Variants in CHRNB3 observed in about 807,000 individuals in gnomAD.
CHRNB3 encodes neuronal acetylcholine receptor subunit beta-3.
Under a neutral mutation model 40.6 loss-of-function variants are expected in CHRNB3, and 37 were observed. The observed-to-expected ratio is 0.91, with a 90% CI of 0.70 to 1.20. The LOEUF is 1.20. Ranked by LOEUF, CHRNB3 falls within the 50% of genes most tolerant of loss-of-function variation. The pLI is 0.00. For synonymous variants in CHRNB3, 207 were observed against 207.1 expected (o/e 1.00, Z 0.00); for missense variants, 505 against 551.2 (o/e 0.92, Z 0.84).
At chr8:42,719,589 A>G (rs1816183077) in intron 3 of CHRNB3, among the ~76,000 whole-genome samples, 1 of 152,224 alleles carries the variant, frequency 6.6e-6, no homozygotes, top group Middle Eastern at 3.4e-3. Context: ...TGAAACTGCA[A>G]TGAGCTATGA....
chr8:42,697,381 C>A lies in CHRNB3; in HGVS notation c.-166C>A, dbSNP rs1042148264. The A allele has an allele frequency of 6.8e-6, 4 of 590,726 alleles. No individual in the cohort carries two copies. The Admixed American group carries it at 8.4e-5, about 12-fold the overall frequency. 36.6% of individuals were successfully genotyped at this position (590,726 alleles called of 1,614,324 possible). On this transcript the variant is annotated 5_prime_UTR_variant, in exon 1 of 6. Coordinates refer to ENST00000289957, the MANE Select transcript of CHRNB3 (RefSeq NM_000749.5). ...AGTGCACTTTGAGAAGCGGCACACT[C>A]GGCGAGAGGGGTTGAGATTGTTTTA...
rs551030284 is a variant in CHRNB3, at chr8:42,733,829, C to T, written c.1242+1280C>T. ...CAGAATGGTCTCGAACTCCTGACCT[C>T]GGGTGATCCACTGCCTCAGCCTCCC... is the stretch of plus-strand genomic sequence containing the variant. On this transcript the variant is annotated intron_variant, in intron 5 of 5. Coordinates refer to ENST00000289957, the MANE Select transcript of CHRNB3 (RefSeq NM_000749.5). Among the ~76,000 whole-genome samples the T allele has an allele frequency of 4.0e-5, 6 of 151,368 alleles. No homozygotes were observed. In the South Asian group the frequency reaches 6.3e-4, roughly 16 times the overall value.
chr8:42,701,436 C>T lies in CHRNB3; in HGVS notation c.52+3838C>T, dbSNP rs556524155. ...GCATGCTCCTGTAGTCGCAGCTACT[C>T]GGGAGGCTGAGGCAGGACGATCACA... On this transcript the variant is annotated intron_variant, in intron 1 of 5. Coordinates refer to ENST00000289957, the MANE Select transcript of CHRNB3 (RefSeq NM_000749.5). Among the ~76,000 whole-genome samples, 14 of 150,252 alleles carry T rather than the reference C, an allele frequency of 9.3e-5. No homozygotes were observed. In the East Asian group the frequency reaches 1.0e-3, roughly 11 times the overall value.
At chr8:42,719,626 G>A (rs1219651436) in intron 3 of CHRNB3, among the ~76,000 whole-genome samples, 6 of 152,122 alleles carry the variant, frequency 3.9e-5, no homozygotes, top group Admixed American at 6.5e-5. Flanking sequence ...CAGCCTGGGC[G>A]ACAGAGTGAG....
In CHRNB3 at chr8:42,734,456, G is replaced by C. The variant is rs1307982254; in HGVS notation, c.1242+1907G>C. On this transcript the variant is annotated intron_variant, in intron 5 of 5. Transcript: ENST00000289957. ...TTTTTTTGAGATGGAGTCTCGCTCT[G>C]TCACCGAGGCTGTAGTGCAATAGCT... is the stretch of plus-strand genomic sequence containing the variant. 2.1e-5 allele frequency among the ~76,000 whole-genome samples: 3 copies of C among 140,058 alleles called. No individual in the cohort carries two copies. In the East Asian group the frequency reaches 6.3e-4, roughly 30 times the overall value. The allele number at this position is 140,058 out of a possible 152,430, so 91.9% of individuals were successfully genotyped here. A position where few individuals can be genotyped will look rare whatever the true frequency, so the allele number is the denominator to read the frequency against.
chr8:42,720,209 A>AGG (rs1233864254), intron 3 of CHRNB3, among the ~76,000 whole-genome samples: 2 of 126,996 alleles, frequency 1.6e-5, no homozygotes, highest in Admixed American at 2.1e-4. Context: ...TCCGCCTCCC[A>AGG]GGTTCAAGAG....
intron 3 of CHRNB3, among the ~76,000 whole-genome samples, chr8:42,727,925 ACCCTGTGTT>A (rs1166687127): frequency 6.6e-6 from 1 of 152,166 alleles, no homozygotes; most frequent in Non-Finnish European, 1.5e-5. Context: ...AATCTTCGTG[ACCCTGTGTT>A]AAGCAAAGAT....
intron 3 of CHRNB3, chr8:42,726,024 G>T: frequency 2.0e-6 from 2 of 996,424 alleles, no homozygotes; most frequent in Non-Finnish European, 3.2e-6. Flanking sequence ...AGTCGTCTGA[G>T]ACGTACCTTG....
chr8:42,703,290 G>T (rs1262066682), intron 1 of CHRNB3, among the ~76,000 whole-genome samples: 1 of 150,984 alleles, frequency 6.6e-6, no homozygotes, highest in African/African-American at 2.4e-5. Context: ...TGGGCATGTT[G>T]GTGCACGCCT....
Position 42,708,865 on chromosome 8 carries a change from T to C in CHRNB3, c.201T>C (p.Asp67=), listed in dbSNP as rs1381371732. Residue 67 remains aspartate (D), a synonymous_variant, in exon 2 of 6, where the codon GAT becomes GAC. Transcript: ENST00000289957. ...GATTGAAAATATCCCAGCTTGTAGA[T>C]GTGGTGAGTAATCCTTGGCACTTGG... ...YFGLKISQLV[D]VDEKNQLMTT... The C allele has an allele frequency of 4.3e-6, 7 of 1,612,428 alleles. No homozygotes were observed. The highest frequency in any genetic ancestry group is 2.2e-5 in the East Asian group (1 of 44,886).
At chr8:42,735,363 C>G (rs1169517436) in intron 5 of CHRNB3, among the ~76,000 whole-genome samples, 4 of 151,992 alleles carry the variant, frequency 2.6e-5, no homozygotes, top group Non-Finnish European at 5.9e-5. Flanking sequence ...CACGTTGAAA[C>G]CCTGTCTCTA....
intron 2 of CHRNB3, among the ~76,000 whole-genome samples, chr8:42,709,081 G>A (rs528709126): frequency 2.0e-4 from 30 of 152,234 alleles, no homozygotes; most frequent in African/African-American, 6.7e-4. Context: ...TGTTAGTGTG[G>A]GACGATTCGC....
At chr8:42,718,114 G>C (rs1816151231) in intron 3 of CHRNB3, among the ~76,000 whole-genome samples, 1 of 151,988 alleles carries the variant, frequency 6.6e-6, no homozygotes, top group Non-Finnish European at 1.5e-5. Flanking sequence ...ATAGGGGTGA[G>C]CCACCACGCC....
At chr8:42,707,425 AG>A (rs1815938371) in intron 1 of CHRNB3, among the ~76,000 whole-genome samples, 1 of 152,240 alleles carries the variant, frequency 6.6e-6, no homozygotes, top group Non-Finnish European at 1.5e-5. Flanking sequence ...GAGTTGCTGT[AG>A]GATATTAATC....
chr8:42,716,306 G>T (rs985793873), intron 3 of CHRNB3, among the ~76,000 whole-genome samples: 7 of 152,166 alleles, frequency 4.6e-5, no homozygotes, highest in African/African-American at 1.7e-4. Context: ...TGACACAAGG[G>T]TTGGCCGTTT....
Position 42,725,840 on chromosome 8 carries a change from G to A in CHRNB3, c.250-4754G>A, listed in dbSNP as rs1244410624. 3.7e-6 allele frequency: 3 copies of A among 815,942 alleles called. No homozygotes were observed. The African/African-American group carries it at 5.0e-5, about 14-fold the overall frequency. 50.5% of individuals were successfully genotyped at this position (815,942 alleles called of 1,614,324 possible). A position where few individuals can be genotyped will look rare whatever the true frequency, so the allele number is the denominator to read the frequency against. On this transcript the variant is annotated intron_variant, in intron 3 of 5. Coordinates refer to ENST00000289957, the MANE Select transcript of CHRNB3 (RefSeq NM_000749.5). ...GTCACATAAGTTTCCACTATACGCAGCATTTTTAGGTTCTGGGGGGTGACT... is the reference window on the plus strand; with the variant it reads ...GTCACATAAGTTTCCACTATACGCAACATTTTTAGGTTCTGGGGGGTGACT...
At chr8:42,698,584 T>G (rs1282415949) in intron 1 of CHRNB3, among the ~76,000 whole-genome samples, 1 of 152,212 alleles carries the variant, frequency 6.6e-6, no homozygotes. Context: ...CAAAAACGCC[T>G]TTTCTCAGAC....
chr8:42,734,161 C>A (rs1816477089), intron 5 of CHRNB3, among the ~76,000 whole-genome samples: 1 of 140,976 alleles, frequency 7.1e-6, no homozygotes, highest in African/African-American at 2.7e-5. Flanking sequence ...GAGGCTGAGG[C>A]AGGAGAATCA....
rs531760923 is a variant in CHRNB3, at chr8:42,712,527, C to T, written c.249+2093C>T. ...TATCTGATTCTCTAATCAGTAGAAA[C>T]GGTCTGAATATTGTTTTACTTGCAA... On this transcript the variant is annotated intron_variant, in intron 3 of 5. Coordinates refer to ENST00000289957, the MANE Select transcript of CHRNB3 (RefSeq NM_000749.5). Among the ~76,000 whole-genome samples, 12 of 152,184 alleles carry T rather than the reference C, an allele frequency of 7.9e-5. No homozygotes were observed. The South Asian group carries it at 1.2e-3, about 16-fold the overall frequency.
Sources: allele counts gnomAD v4.1 joint callset (sites outside exome capture counted in the v4.1 genomes callset), GRCh38; gene constraint gnomAD v4.1.1; transcripts MANE v1.5; gene names NCBI Gene and HGNC (gene_info 2026-07-23, HGNC 2026-07-21).